Variants in GRIP1 observed in about 807,000 individuals in gnomAD.
The protein encoded by GRIP1 is glutamate receptor-interacting protein 1.
GRIP1 carries 45 observed loss-of-function variants against 129.9 expected under a neutral mutation model. The observed-to-expected ratio is 0.35, with a 90% CI of 0.27 to 0.44. The LOEUF is 0.44. Ranked by LOEUF, GRIP1 falls within the 20% of genes least tolerant of loss-of-function variation. GRIP1 has a pLI of 1.00. For missense variants in GRIP1, 1,196 were observed against 1,396.8 expected, an observed-to-expected ratio of 0.86 and a Z score of 2.29; for synonymous variants, 530 against 520.8, an observed-to-expected ratio of 1.02 and a Z score of -0.24.
intron 1 of GRIP1, among the ~76,000 whole-genome samples, chr12:66,687,195 T>C (rs2034816214): frequency 6.6e-6 from 1 of 152,200 alleles, no homozygotes; most frequent in African/African-American, 2.4e-5. Flanking sequence ...ATCGAGTATA[T>C]ATTAACATAA....
chr12:66,709,664 A>T (rs1224096794), intron 1 of GRIP1, among the ~76,000 whole-genome samples: 1 of 151,964 alleles, frequency 6.6e-6, no homozygotes, highest in Non-Finnish European at 1.5e-5. Flanking sequence ...AGTACAAGAC[A>T]ACACATGTGC....
chr12:66,521,366 T>A (rs1001656572), intron 5 of GRIP1, among the ~76,000 whole-genome samples: 4 of 152,240 alleles, frequency 2.6e-5, no homozygotes, highest in African/African-American at 9.6e-5. Context: ...TTTATCCACA[T>A]CTCTTTTATT....
chr12:66,870,110 G>T (rs1247175371), intron 1 of GRIP1, among the ~76,000 whole-genome samples: 2 of 152,068 alleles, frequency 1.3e-5, no homozygotes, highest in Non-Finnish European at 2.9e-5. Context: ...TCCTCTGGGT[G>T]ACAAAATGAT....
intron 23 of GRIP1, among the ~76,000 whole-genome samples, chr12:66,361,412 G>A (rs1393725427): frequency 6.6e-6 from 1 of 152,154 alleles, no homozygotes; most frequent in Non-Finnish European, 1.5e-5. Context: ...TTGGGGAGCT[G>A]AGTCCCAACC....
intron 1 of GRIP1, among the ~76,000 whole-genome samples, chr12:66,685,294 CA>C (rs2034740612): frequency 6.6e-6 from 1 of 151,964 alleles, no homozygotes; most frequent in African/African-American, 2.4e-5. Context: ...TATTACTTTT[CA>C]AATTTTGTAG....
intron 1 of GRIP1, among the ~76,000 whole-genome samples, chr12:66,604,802 G>A (rs1387087577): frequency 2.6e-5 from 4 of 152,130 alleles, no homozygotes; most frequent in Non-Finnish European, 5.9e-5. Flanking sequence ...AGAGTAATGA[G>A]TACTGGCTAT....
At chr12:66,569,728 C>T (rs1413207355) in intron 2 of GRIP1, among the ~76,000 whole-genome samples, 1 of 152,128 alleles carries the variant, frequency 6.6e-6, no homozygotes, top group Non-Finnish European at 1.5e-5. Flanking sequence ...CACTCTGTGC[C>T]TCCAGGATAG....
intron 1 of GRIP1, among the ~76,000 whole-genome samples, chr12:66,635,733 A>G (rs2031296676): frequency 6.6e-6 from 1 of 152,156 alleles, no homozygotes. Flanking sequence ...ACTTCTAAAA[A>G]CCAGTAAAGA....
At chr12:66,360,740 C>T (rs772516318) in intron 23 of GRIP1, among the ~76,000 whole-genome samples, 16 of 152,158 alleles carry the variant, frequency 1.1e-4, no homozygotes, top group Admixed American at 6.5e-5. Flanking sequence ...ATCAGAAACC[C>T]GATGCTTATG....
chr12:66,936,287 A>G (rs1426896033), intron 1 of GRIP1, among the ~76,000 whole-genome samples: 1 of 152,078 alleles, frequency 6.6e-6, no homozygotes, highest in Non-Finnish European at 1.5e-5. Flanking sequence ...TCAGCCGAGC[A>G]TGGTGGCATT....
intron 11 of GRIP1, among the ~76,000 whole-genome samples, chr12:66,448,155 C>T (rs768939112): frequency 1.3e-5 from 2 of 151,976 alleles, no homozygotes; most frequent in Non-Finnish European, 2.9e-5. Context: ...GTATGCCATC[C>T]ACACACTCTC....
In GRIP1 at chr12:66,371,744, T is replaced by G; in HGVS notation, c.2962A>C (p.Lys988Gln). The change falls in exon 23 of 25, where the codon AAA (lysine) becomes CAA (glutamine). Residue 988 changes from lysine to glutamine, a missense_variant. Physicochemically the swap from Lys to Gln is moderately conservative, Grantham distance 53. Coordinates refer to ENST00000359742, the MANE Select transcript of GRIP1 (RefSeq NM_001366722.1). ...GACATGATCTCCTTTATTTCTTGTT[T>G]CATTTTTCTCAGGGTTACTGACTTC... ...GRKSVTLRKM[K>Q]QEIKEIMSPT... 1 of 1,614,062 alleles carries G rather than the reference T, an allele frequency of 6.2e-7. No homozygotes were observed. The highest frequency in any genetic ancestry group is 8.5e-7 in the Non-Finnish European group (1 of 1,179,922).
intron 7 of GRIP1, among the ~76,000 whole-genome samples, chr12:66,504,311 G>T (rs1338204347): frequency 6.6e-6 from 1 of 152,162 alleles, no homozygotes; most frequent in Non-Finnish European, 1.5e-5. Flanking sequence ...CCAGTTTGTT[G>T]CCTCTTGTAG....
upstream of GRIP1, among the ~76,000 whole-genome samples, chr12:66,805,793 G>T (rs1194843102): frequency 6.6e-6 from 1 of 152,126 alleles, no homozygotes; most frequent in Non-Finnish European, 1.5e-5. Flanking sequence ...TCTAAAATAT[G>T]TAGTTACTTT....
intron 7 of GRIP1, among the ~76,000 whole-genome samples, chr12:66,495,647 C>T (rs1423590437): frequency 1.3e-5 from 2 of 152,046 alleles, no homozygotes; most frequent in African/African-American, 2.4e-5. Context: ...ACGTGAGCCC[C>T]CCACCCCCGT....
At chr12:67,050,286 A>G (rs1289411277) in intron 1 of GRIP1, among the ~76,000 whole-genome samples, 1 of 152,068 alleles carries the variant, frequency 6.6e-6, no homozygotes, top group Non-Finnish European at 1.5e-5. Flanking sequence ...CCCTAAGGGG[A>G]TTCTTCATTA....
At chr12:67,043,133 G>A (rs751848697) in intron 1 of GRIP1, among the ~76,000 whole-genome samples, 1 of 152,210 alleles carries the variant, frequency 6.6e-6, no homozygotes, top group Non-Finnish European at 1.5e-5. Flanking sequence ...GCAGGCGAGA[G>A]TGAGGTCCTC....
intron 1 of GRIP1, among the ~76,000 whole-genome samples, chr12:66,958,978 T>C (rs767896030): frequency 2.6e-5 from 4 of 152,236 alleles, no homozygotes; most frequent in Non-Finnish European, 4.4e-5. Flanking sequence ...TCCTACGTAA[T>C]AGATAAAACT....
At chr12:66,794,642 T>C (rs927180129) in intron 1 of GRIP1, among the ~76,000 whole-genome samples, 1 of 152,172 alleles carries the variant, frequency 6.6e-6, no homozygotes, top group African/African-American at 2.4e-5. Flanking sequence ...TTTTCTCTCT[T>C]TAAGCCTTAA....
Sources: gnomAD v4.1 joint callset for allele counts (sites outside exome capture counted in the v4.1 genomes callset) on GRCh38, gnomAD v4.1.1 for gene constraint, MANE v1.5 for transcripts, NCBI Gene and HGNC (gene_info 2026-07-23, HGNC 2026-07-21) for gene names.